Variants in CCDC138 observed in about 807,000 individuals in gnomAD.
The protein encoded by CCDC138 is coiled-coil domain containing 138.
A neutral mutation model predicts 82.3 loss-of-function variants in CCDC138; 66 were observed. The observed-to-expected ratio is 0.80, with a 90% CI of 0.66 to 0.98. CCDC138 has a LOEUF of 0.98. Ranked by LOEUF, CCDC138 falls within the 50% of genes least tolerant of loss-of-function variation. CCDC138 has a pLI of 0.00. For synonymous variants in CCDC138, 297 were observed against 265.4 expected (o/e 1.12, Z -1.16); for missense variants, 816 against 758.9 (o/e 1.08, Z -0.88).
In CCDC138 at chr2:108,827,617, C is replaced by G. The variant is rs577301734; in HGVS notation, c.1206+11512C>G. The stretch of plus-strand genomic sequence containing the variant: ...GGATCACGAGGTCAGGAGACGGAGA[C>G]TATCCTGGCTAACACAGTGAAACCC... On this transcript the variant is annotated intron_variant, in intron 10 of 14. Transcript: ENST00000295124. Among the ~76,000 whole-genome samples the G allele has an allele frequency of 3.7e-3, 561 of 152,156 alleles. 3 individuals carry two copies. The highest frequency in any genetic ancestry group is 6.8e-3 in the Middle Eastern group (2 of 292).
chr2:108,874,217 G>A (rs1385696224), intron 14 of CCDC138, among the ~76,000 whole-genome samples: 2 of 152,058 alleles, frequency 1.3e-5, no homozygotes, highest in Non-Finnish European at 2.9e-5. Context: ...AGTGAATTTA[G>A]GGAATGAGAA....
chr2:108,819,288 A>T lies in CCDC138; in HGVS notation c.1206+3183A>T, dbSNP rs1160109711. Among the ~76,000 whole-genome samples the T allele has an allele frequency of 2.6e-5, 4 of 152,334 alleles. No individual in the cohort carries two copies. In the East Asian group the frequency reaches 7.7e-4, roughly 29 times the overall value. On this transcript the variant is annotated intron_variant, in intron 10 of 14. Coordinates refer to ENST00000295124, the MANE Select transcript of CCDC138 (RefSeq NM_144978.3). ...TTTGCATGTGTGTTCCCCTGCCGGT[A>T]TAGCGCAGTGCAACCAGGAGGAAAT...
intron 10 of CCDC138, among the ~76,000 whole-genome samples, chr2:108,823,673 A>G (rs1379410227): frequency 6.6e-6 from 1 of 152,230 alleles, no homozygotes; most frequent in Non-Finnish European, 1.5e-5. Context: ...AAGATACAAT[A>G]TAACAGATAA....
chr2:108,836,385 C>T (rs1404973820), intron 10 of CCDC138, among the ~76,000 whole-genome samples: 1 of 152,184 alleles, frequency 6.6e-6, no homozygotes, highest in Non-Finnish European at 1.5e-5. Flanking sequence ...ATGAATACCA[C>T]ATATTGCTTA....
At chr2:108,869,072 A>T (rs1045784867) in intron 13 of CCDC138, among the ~76,000 whole-genome samples, 4 of 152,022 alleles carry the variant, frequency 2.6e-5, no homozygotes, top group South Asian at 2.1e-4. Context: ...ATAATATTGT[A>T]CATGCTCAAG....
At chr2:108,805,287 T>A (rs1392442919) in intron 7 of CCDC138, among the ~76,000 whole-genome samples, 1 of 152,210 alleles carries the variant, frequency 6.6e-6, no homozygotes, top group Non-Finnish European at 1.5e-5. Flanking sequence ...CTGGCTTTAA[T>A]ACTTATTATT....
chr2:108,860,847 G>A (rs1258547057), intron 13 of CCDC138, among the ~76,000 whole-genome samples: 4 of 149,592 alleles, frequency 2.7e-5, no homozygotes, highest in Non-Finnish European at 5.9e-5. Flanking sequence ...CCTCCTCCTC[G>A]ATATTTTGGA....
At chr2:108,872,252 C>T (rs1056838969) in intron 13 of CCDC138, among the ~76,000 whole-genome samples, 1 of 152,116 alleles carries the variant, frequency 6.6e-6, no homozygotes, top group Non-Finnish European at 1.5e-5. Flanking sequence ...CCATAGCATC[C>T]TGCCATTGGT....
chr2:108,791,894 A>C, intron 4 of CCDC138, 92 bp downstream of exon 4: 2 of 1,266,000 alleles, frequency 1.6e-6, no homozygotes, highest in Non-Finnish European at 1.1e-6. Context: ...ACTGGCCCCC[A>C]AGAGTTTGCA....
At chr2:108,879,686 AC>A (rs1696235500), downstream of CCDC138, among the ~76,000 whole-genome samples, 1 of 152,148 alleles carries the variant, frequency 6.6e-6, no homozygotes, top group African/African-American at 2.4e-5. Flanking sequence ...TTTAATTGTT[AC>A]CATTTTATAG....
rs1370491043 is a variant in CCDC138 at position 108,846,756 on chromosome 2, A to G, written c.1342A>G (p.Thr448Ala). 6.2e-7 allele frequency: 1 copy of G among 1,612,130 alleles called. No individual in the cohort carries two copies. Among genetic ancestry groups the G allele is most frequent in the South Asian group, 1.1e-5 (1 of 90,876 alleles). The change falls in exon 12 of 15, where the codon ACA (threonine) becomes GCA (alanine). Residue 448 changes from threonine (T) to alanine (A), a missense_variant. By Grantham distance (58) the Thr-to-Ala change is moderately conservative (BLOSUM62 0). Transcript: ENST00000295124. ...TTAACAGCACTCGACTATGACATCA[A>G]CATTGAGGAGATTGGGTGAAGACAT... Reference protein sequence around the residue: ...AGAQHSTMTSTLRRLGEDIFK... With the variant: ...AGAQHSTMTSALRRLGEDIFK...
chr2:108,846,694 C>T, intron 11 of CCDC138, 44 bp from the exon 12 acceptor site: 1 of 1,524,596 alleles, frequency 6.6e-7, no homozygotes, highest in Non-Finnish European at 8.9e-7. Flanking sequence ...AAGATATATT[C>T]TGAACATGAA....
chr2:108,856,137 G>A (rs1692558466), intron 12 of CCDC138, among the ~76,000 whole-genome samples: 1 of 152,072 alleles, frequency 6.6e-6, no homozygotes, highest in African/African-American at 2.4e-5. Flanking sequence ...TCCCAATCCT[G>A]GCCTTGCAGG....
intron 10 of CCDC138, among the ~76,000 whole-genome samples, chr2:108,832,930 G>A (rs1382313458): frequency 6.6e-6 from 1 of 152,174 alleles, no homozygotes; most frequent in African/African-American, 2.4e-5. Flanking sequence ...AGATAAGAGG[G>A]AGACAGGAAA....
Position 108,804,993 on chromosome 2 carries a change from T to A in CCDC138, c.840T>A (p.Asp280Glu). 6.5e-7 allele frequency: 1 copy of A among 1,534,890 alleles called. No individual in the cohort carries two copies. The highest frequency in any genetic ancestry group is 1.3e-5 in the South Asian group (1 of 77,130). Residue 280 changes from aspartate to glutamate, a missense_variant, in exon 7 of 15, where the codon GAT (aspartate) becomes GAA (glutamate). Physicochemically the swap from Asp to Glu is conservative, Grantham distance 45 (BLOSUM62 2). Coordinates refer to ENST00000295124, the MANE Select transcript of CCDC138 (RefSeq NM_144978.3). ...TTGATGCATTGAAAGAATTGAATGA[T>A]ACCTTAAAAAAACAGGTAAGACCTG... ...SSFDALKELN[D>E]TLKKQLNEAS...
intron 3 of CCDC138, among the ~76,000 whole-genome samples, chr2:108,789,221 A>G (rs1679493926): frequency 6.6e-6 from 1 of 152,214 alleles, no homozygotes; most frequent in South Asian, 2.1e-4. Context: ...TAAAAGATGA[A>G]AAAATATATT....
intron 10 of CCDC138, among the ~76,000 whole-genome samples, chr2:108,819,664 C>A (rs1685336833): frequency 6.6e-6 from 1 of 152,138 alleles, no homozygotes; most frequent in African/African-American, 2.4e-5. Flanking sequence ...GGTCCCAAAA[C>A]CTCTAACTGG....
intron 5 of CCDC138, among the ~76,000 whole-genome samples, chr2:108,795,150 A>AATTTTTTT (rs1680651379): frequency 1.2e-5 from 1 of 85,012 alleles, no homozygotes; most frequent in Non-Finnish European, 2.1e-5. Flanking sequence ...TCTAAAGTGT[A>AATTTTTTT]TTTTTTTTTT....
At chr2:108,798,816 TACAC>T (rs61201793) in intron 6 of CCDC138, among the ~76,000 whole-genome samples, 6,843 of 131,580 alleles carry the variant, frequency 0.052, 178 homozygotes, top group Middle Eastern at 0.1. Context: ...TCTCCACACC[TACAC>T]ACACACACAC....
Sources: gnomAD v4.1 joint callset for allele counts (sites outside exome capture counted in the v4.1 genomes callset) on GRCh38, gnomAD v4.1.1 for gene constraint, MANE v1.5 for transcripts, NCBI Gene and HGNC (gene_info 2026-07-23, HGNC 2026-07-21) for gene names.